PPP4R2: variants seen among roughly 807,000 people sequenced by gnomAD.
PPP4R2 encodes protein phosphatase 4 regulatory subunit 2, also known as serine/threonine-protein phosphatase 4 regulatory subunit 2.
A neutral mutation model predicts 47.2 loss-of-function variants in PPP4R2; 13 were observed. That is an observed-to-expected ratio of 0.28 (90% confidence interval 0.18 to 0.44). The LOEUF (loss-of-function observed/expected upper bound fraction) is 0.44. Ranked by LOEUF, PPP4R2 falls within the 20% of genes least tolerant of loss-of-function variation. PPP4R2 has a pLI of 1.00. For missense variants in PPP4R2, 421 were observed against 491.2 expected (o/e 0.86, Z 1.35); for synonymous variants, 151 against 163.3 (o/e 0.92, Z 0.57).
intron 2 of PPP4R2, among the ~76,000 whole-genome samples, chr3:73,042,948 A>G (rs1184427189): frequency 6.6e-6 from 1 of 152,084 alleles, no homozygotes; most frequent in African/African-American, 2.4e-5. Flanking sequence ...CAGAATTTCC[A>G]TTACCTGGGA....
At chr3:73,051,071 C>T (rs1452416971) in intron 3 of PPP4R2, among the ~76,000 whole-genome samples, 1 of 152,152 alleles carries the variant, frequency 6.6e-6, no homozygotes. Context: ...TGCGCCACCA[C>T]ACCCGGCTAA....
intron 5 of PPP4R2, chr3:73,061,986 C>A (rs562504613): frequency 1.2e-5 from 10 of 858,462 alleles, no homozygotes; most frequent in South Asian, 7.6e-5. Context: ...ATAAAAATTT[C>A]TTTTATGAAG....
At chr3:73,018,407 C>CGTTACGTTATGTTAT (rs1701885402) in intron 2 of PPP4R2, among the ~76,000 whole-genome samples, 1 of 96,028 alleles carries the variant, frequency 1.0e-5, no homozygotes, top group Non-Finnish European at 2.1e-5. Flanking sequence ...CTGTCATAGT[C>CGTTACGTTATGTTAT]GTTATGTTAT....
intron 2 of PPP4R2, among the ~76,000 whole-genome samples, chr3:73,037,843 T>A (rs1388780740): frequency 6.6e-6 from 1 of 152,208 alleles, no homozygotes; most frequent in Non-Finnish European, 1.5e-5. Flanking sequence ...GTGTTTATGA[T>A]GTTTTATTTT....
chr3:73,020,676 A>AAAAG (rs1559552699), intron 2 of PPP4R2, among the ~76,000 whole-genome samples: 4 of 151,500 alleles, frequency 2.6e-5, no homozygotes, highest in Non-Finnish European at 5.9e-5. Flanking sequence ...TCTCTTTAAA[A>AAAAG]AAAAAAAAAA....
In PPP4R2 at chr3:73,064,999, A is replaced by G. The variant is rs183870099; in HGVS notation, c.786A>G (p.Gln262=). 6 of 1,613,916 alleles carry G rather than the reference A, an allele frequency of 3.7e-6. No individual in the cohort carries two copies. The African/African-American group carries it at 4.0e-5, about 11-fold the overall frequency. ...GTGAAGTCAGAGAAACAGCCAGTCA[A>G]ACGACTTCCAGCGAAATTTCTTCAG... ...KEGEVRETAS[Q]TTSSEISSVM... is the part of the protein sequence containing the mutation. Residue 262 remains glutamine (Q), a synonymous_variant, in exon 8 of 9, where the codon CAA becomes CAG. Coordinates refer to ENST00000356692, the MANE Select transcript of PPP4R2 (RefSeq NM_174907.4).
chr3:73,051,916 C>G (rs1205358619), intron 3 of PPP4R2, among the ~76,000 whole-genome samples: 1 of 152,184 alleles, frequency 6.6e-6, no homozygotes, highest in African/African-American at 2.4e-5. Flanking sequence ...TGAACCACTG[C>G]GCCCGGCCAA....
chr3:73,059,022 T>G lies in PPP4R2; in HGVS notation c.288-15T>G. 6.8e-7 allele frequency: 1 copy of G among 1,475,950 alleles called. No homozygotes were observed. The highest frequency in any genetic ancestry group is 1.2e-5 in the South Asian group (1 of 83,716). 91.4% of individuals were successfully genotyped at this position (1,475,950 alleles called of 1,614,324 possible). A position where few individuals can be genotyped will look rare whatever the true frequency, so the allele number is the denominator to read the frequency against. On this transcript the variant is annotated splice_polypyrimidine_tract_variant and intron_variant, in intron 3 of 8. Transcript: ENST00000356692. ...TATCAGTGATCTCACACTGTAAAAT[T>G]ATATTTTTTTGCAGTATCCCTTTTA...
intron 2 of PPP4R2, among the ~76,000 whole-genome samples, chr3:73,032,934 G>A (rs1194340830): frequency 6.6e-6 from 1 of 151,894 alleles, no homozygotes; most frequent in Admixed American, 6.6e-5. Flanking sequence ...CTCTTGTTGA[G>A]CCTTCTTAAC....
chr3:73,032,857 A>C (rs1702194361), intron 2 of PPP4R2, among the ~76,000 whole-genome samples: 1 of 152,030 alleles, frequency 6.6e-6, no homozygotes, highest in Non-Finnish European at 1.5e-5. Flanking sequence ...AATTTTCTGT[A>C]TGCTTATGAC....
At chr3:73,053,988 A>T (rs1203896720) in intron 3 of PPP4R2, among the ~76,000 whole-genome samples, 1 of 150,890 alleles carries the variant, frequency 6.6e-6, no homozygotes, top group Non-Finnish European at 1.5e-5. Flanking sequence ...TTTGGTGGGG[A>T]CAGAGTGTTG....
intron 2 of PPP4R2, among the ~76,000 whole-genome samples, chr3:73,003,815 C>T (rs1701536736): frequency 6.6e-6 from 1 of 152,080 alleles, no homozygotes. Flanking sequence ...TTTTCTGCCA[C>T]AGCCTCCTGA....
At chr3:73,062,580 A>G (rs762925764) in intron 5 of PPP4R2, 7 of 1,613,924 alleles carry the variant, frequency 4.3e-6, no homozygotes, top group Admixed American at 1.7e-5. Context: ...TTATGCTAGC[A>G]GATTCAAAGA....
chr3:73,001,337 C>T (rs1260459314), intron 2 of PPP4R2, among the ~76,000 whole-genome samples: 1 of 152,002 alleles, frequency 6.6e-6, no homozygotes, highest in Non-Finnish European at 1.5e-5. Context: ...GCAGGTGGCC[C>T]AGGGTCACTT....
intron 2 of PPP4R2, among the ~76,000 whole-genome samples, chr3:73,041,003 C>T (rs1416086100): frequency 8.0e-6 from 1 of 125,164 alleles, no homozygotes; most frequent in Non-Finnish European, 1.7e-5. Context: ...TGGTTGACTG[C>T]AGATTATGGA....
chr3:72,996,800 G>C (rs1212941912), upstream of PPP4R2: 1 of 371,932 alleles, frequency 2.7e-6, no homozygotes, highest in Admixed American at 4.6e-5. Context: ...GCGTGCGCGC[G>C]GTGACGTACC....
At chr3:73,016,773 G>A (rs1701844298) in intron 2 of PPP4R2, among the ~76,000 whole-genome samples, 1 of 92,454 alleles carries the variant, frequency 1.1e-5, no homozygotes, top group South Asian at 4.1e-4. Context: ...GTCTCACTCT[G>A]TCACCCATTC....
intron 2 of PPP4R2, among the ~76,000 whole-genome samples, chr3:73,001,006 C>T (rs936322546): frequency 1.2e-4 from 18 of 152,084 alleles, no homozygotes; most frequent in African/African-American, 4.1e-4. Flanking sequence ...GTCCTTTTGA[C>T]GTGACCTTAG....
rs1056599883 is a variant in PPP4R2 at position 73,068,479 on chromosome 3, A to G, written c.*2757A>G. The G allele has an allele frequency of 1.3e-5, 2 of 152,220 alleles. No individual in the cohort carries two copies. Among genetic ancestry groups the G allele is most frequent in the Non-Finnish European group, 2.9e-5 (2 of 68,036 alleles). The allele number at this position is 152,220 out of a possible 1,614,324, so 9.4% of individuals were successfully genotyped here. On this transcript the variant is annotated 3_prime_UTR_variant, in exon 9 of 9. Coordinates refer to ENST00000356692, the MANE Select transcript of PPP4R2 (RefSeq NM_174907.4). ...TTTTCAGTTCTGAAAAATGTAGCAGAAGTAGTGAAAATGTCATATTTTAAA... is the reference window on the plus strand; with the variant it reads ...TTTTCAGTTCTGAAAAATGTAGCAGGAGTAGTGAAAATGTCATATTTTAAA...
Sources: gnomAD v4.1 joint callset for allele counts (sites outside exome capture counted in the v4.1 genomes callset) on GRCh38, gnomAD v4.1.1 for gene constraint, MANE v1.5 for transcripts, NCBI Gene and HGNC (gene_info 2026-07-23, HGNC 2026-07-21) for gene names.